Variants in LRRC37A observed in about 807,000 individuals in gnomAD.
LRRC37A encodes leucine rich repeat containing 37A, also known as leucine-rich repeat-containing protein 37A.
LRRC37A carries 3 observed loss-of-function variants against 35.4 expected under a neutral mutation model. The observed-to-expected ratio is 0.08, with a 90% CI of 0.04 to 0.22. The LOEUF is 0.22. Ranked by LOEUF, LRRC37A falls within the 10% of genes least tolerant of loss-of-function variation. The pLI, the probability that LRRC37A is intolerant of heterozygous loss-of-function variation, is 1.00. For synonymous variants in LRRC37A, 23 were observed against 215.0 expected (o/e 0.11, Z 7.81); for missense variants, 67 against 565.3 (o/e 0.12, Z 8.94).
At chr17:46,248,558 T>C in the LRRC37A span, among the ~76,000 whole-genome samples, 2 of 152,098 alleles carry the variant, frequency 1.3e-5, no homozygotes, top group Non-Finnish European at 2.9e-5. Flanking sequence ...GTCTCACTGT[T>C]GCCCAGGCTG....
chr17:46,250,969 G>C, the LRRC37A span, among the ~76,000 whole-genome samples: 1 of 151,914 alleles, frequency 6.6e-6, no homozygotes, highest in Non-Finnish European at 1.5e-5. Context: ...TGTTGCCAAG[G>C]CTGGATTGTA....
chr17:46,290,849 C>A (rs2732600), upstream of LRRC37A, among the ~76,000 whole-genome samples: 21 of 152,188 alleles, frequency 1.4e-4, no homozygotes, highest in African/African-American at 5.1e-4. Context: ...TGATTCCCCA[C>A]GCCAAAATTT....
At chr17:46,334,921 A>G (rs2052230799) in intron 10 of LRRC37A, 1 of 122,816 alleles carries the variant, frequency 8.1e-6, no homozygotes, top group Admixed American at 8.3e-5. Flanking sequence ...CAATATGTAT[A>G]CATTTTATTA....
At chr17:46,273,144 T>C in the LRRC37A span, among the ~76,000 whole-genome samples, 1 of 152,234 alleles carries the variant, frequency 6.6e-6, no homozygotes, top group East Asian at 1.9e-4. Context: ...TATATTTCTA[T>C]ATATATGAAT....
the LRRC37A span, among the ~76,000 whole-genome samples, chr17:46,256,969 G>C: frequency 6.6e-5 from 10 of 152,312 alleles, no homozygotes; most frequent in East Asian, 1.9e-3. Flanking sequence ...TATGTTAATT[G>C]GCTCTTTTCT....
the LRRC37A span, among the ~76,000 whole-genome samples, chr17:46,287,644 T>C: frequency 6.6e-6 from 1 of 152,282 alleles, no homozygotes; most frequent in Non-Finnish European, 1.5e-5. Context: ...CTTTTTCAGT[T>C]AATATAATGT....
the LRRC37A span, among the ~76,000 whole-genome samples, chr17:46,287,434 C>T: frequency 1.1e-4 from 17 of 152,152 alleles, no homozygotes; most frequent in African/African-American, 3.6e-4. Flanking sequence ...CAAAGCAAAG[C>T]GCAAACACCA....
the LRRC37A span, among the ~76,000 whole-genome samples, chr17:46,277,985 G>A: frequency 3.3e-5 from 5 of 151,530 alleles, no homozygotes; most frequent in South Asian, 2.1e-4. Context: ...CGTTCTTGTC[G>A]CCCAGGCTGA....
At chr17:46,283,734 C>T in the LRRC37A span, among the ~76,000 whole-genome samples, 4 of 152,098 alleles carry the variant, frequency 2.6e-5, no homozygotes, top group East Asian at 1.9e-4. Flanking sequence ...GCCCAGGGTA[C>T]CTGCGTTCAG....
the LRRC37A span, among the ~76,000 whole-genome samples, chr17:46,272,483 C>T: frequency 2.6e-5 from 4 of 152,180 alleles, no homozygotes; most frequent in Admixed American, 6.5e-5. Flanking sequence ...GGCGTGATCA[C>T]GGCTCACTGC....
the LRRC37A span, among the ~76,000 whole-genome samples, chr17:46,252,214 ATT>A: frequency 4.0e-5 from 6 of 150,360 alleles, no homozygotes; most frequent in Non-Finnish European, 8.9e-5. Context: ...TGATTCATTG[ATT>A]TTTTTTTTCA....
the LRRC37A span, among the ~76,000 whole-genome samples, chr17:46,262,839 T>C: frequency 5.3e-5 from 8 of 151,414 alleles, no homozygotes; most frequent in Admixed American, 4.6e-4. Flanking sequence ...AAGATCCTCA[T>C]TGGACAGAGC....
At chr17:46,250,858 C>T in the LRRC37A span, among the ~76,000 whole-genome samples, 2,298 of 152,140 alleles carry the variant, frequency 0.015, 64 homozygotes, top group African/African-American at 0.05. Context: ...CCTTCTCTTC[C>T]CTTCCCCTTT....
upstream of LRRC37A, among the ~76,000 whole-genome samples, chr17:46,288,989 C>T (rs1164918100): frequency 6.6e-6 from 1 of 152,188 alleles, no homozygotes; most frequent in African/African-American, 2.4e-5. Context: ...GCGTGAGTCT[C>T]TGTGTCTGGC....
the LRRC37A span, among the ~76,000 whole-genome samples, chr17:46,256,223 A>G: frequency 6.6e-6 from 1 of 152,028 alleles, no homozygotes; most frequent in Non-Finnish European, 1.5e-5. Context: ...CATCTCTACT[A>G]AAAATACAAA....
At chr17:46,271,397 G>C in the LRRC37A span, among the ~76,000 whole-genome samples, 1 of 148,480 alleles carries the variant, frequency 6.7e-6, no homozygotes, top group Non-Finnish European at 1.5e-5. Flanking sequence ...TGTCAGGCTG[G>C]TTTCAAACTC....
At chr17:46,265,294 CTT>C in the LRRC37A span, among the ~76,000 whole-genome samples, 122 of 101,072 alleles carry the variant, frequency 1.2e-3, 1 homozygote, top group East Asian at 0.022. Context: ...TCTTCTTCTT[CTT>C]CTTCTTCTTC....
At chr17:46,283,666 C>T in the LRRC37A span, among the ~76,000 whole-genome samples, 2 of 152,028 alleles carry the variant, frequency 1.3e-5, no homozygotes, top group African/African-American at 4.8e-5. Context: ...TTAAGTGGAA[C>T]GAGAGACTTG....
chr17:46,263,000 C>T, the LRRC37A span, among the ~76,000 whole-genome samples: 1 of 152,108 alleles, frequency 6.6e-6, no homozygotes, highest in African/African-American at 2.4e-5. Context: ...TTAGCTTGAG[C>T]CCAGGAGTTG....
Sources: gnomAD v4.1 joint callset for allele counts (sites outside exome capture counted in the v4.1 genomes callset) on GRCh38, gnomAD v4.1.1 for gene constraint, MANE v1.5 for transcripts, NCBI Gene and HGNC (gene_info 2026-07-23, HGNC 2026-07-21) for gene names.